TAFA2: variants seen among roughly 807,000 people sequenced by gnomAD.
TAFA2 encodes the protein TAFA chemokine like family member 2.
TAFA2 carries 7 observed loss-of-function variants against 18.8 expected under a neutral mutation model. That is an observed-to-expected ratio of 0.37 (90% CI 0.21 to 0.70). The LOEUF is 0.70. TAFA2 is among the 30% of genes least tolerant of loss of function. The pLI is 0.53. For missense variants in TAFA2, 122 were observed against 158.1 expected (o/e 0.77, Z 1.23); for synonymous variants, 60 against 54.2 (o/e 1.11, Z -0.47).
intron 1 of TAFA2, among the ~76,000 whole-genome samples, chr12:62,127,662 G>A (rs1215389954): frequency 6.6e-6 from 1 of 151,960 alleles, no homozygotes; most frequent in African/African-American, 2.4e-5. Flanking sequence ...AAACACAAGG[G>A]CTTGAGCAAG....
At chr12:61,862,546 A>G (rs1199285783) in intron 2 of TAFA2, among the ~76,000 whole-genome samples, 1 of 152,226 alleles carries the variant, frequency 6.6e-6, no homozygotes, top group African/African-American at 2.4e-5. Flanking sequence ...GGCTCTTAAG[A>G]GCAGGATATT....
chr12:62,126,097 A>C (rs1346016328), intron 1 of TAFA2, among the ~76,000 whole-genome samples: 1 of 152,166 alleles, frequency 6.6e-6, no homozygotes, highest in East Asian at 1.9e-4. Flanking sequence ...TCGCTATAAA[A>C]TAATTTGAAA....
At chr12:61,907,127 G>T (rs972357189) in intron 1 of TAFA2, among the ~76,000 whole-genome samples, 10 of 152,222 alleles carry the variant, frequency 6.6e-5, no homozygotes, top group Non-Finnish European at 1.5e-5. Context: ...ATTCTAGCTG[G>T]CTGAACAGAT....
At chr12:62,026,031 A>T (rs1881301351) in intron 1 of TAFA2, among the ~76,000 whole-genome samples, 1 of 152,152 alleles carries the variant, frequency 6.6e-6, no homozygotes, top group South Asian at 2.1e-4. Flanking sequence ...GAACCCAATC[A>T]ATGAGGATCG....
intron 1 of TAFA2, among the ~76,000 whole-genome samples, chr12:62,099,577 T>C (rs2136846814): frequency 6.6e-6 from 1 of 152,330 alleles, no homozygotes; most frequent in Non-Finnish European, 1.5e-5. Context: ...GGATGTGCAT[T>C]ATAAATTTAA....
chr12:61,905,610 C>A (rs761070758), intron 1 of TAFA2, among the ~76,000 whole-genome samples: 2 of 152,094 alleles, frequency 1.3e-5, no homozygotes, highest in Non-Finnish European at 2.9e-5. Context: ...TCAATATCAC[C>A]AGATAGATCA....
intron 1 of TAFA2, among the ~76,000 whole-genome samples, chr12:61,874,642 T>A (rs1874765002): frequency 6.6e-6 from 1 of 152,170 alleles, no homozygotes; most frequent in African/African-American, 2.4e-5. Context: ...ACCCACAGAT[T>A]GAAATGATAT....
At chr12:62,128,002 A>G (rs1050619271) in intron 1 of TAFA2, among the ~76,000 whole-genome samples, 5 of 152,022 alleles carry the variant, frequency 3.3e-5, no homozygotes, top group African/African-American at 1.2e-4. Flanking sequence ...AAAGAAATCC[A>G]TGGGAGGCAC....
chr12:62,144,106 A>G (rs1014531708), intron 1 of TAFA2, among the ~76,000 whole-genome samples: 1 of 151,030 alleles, frequency 6.6e-6, no homozygotes, highest in Non-Finnish European at 1.5e-5. Flanking sequence ...CATAGAGTTG[A>G]TAGTTTTCCT....
intron 1 of TAFA2, among the ~76,000 whole-genome samples, chr12:62,134,700 G>C (rs1003229825): frequency 6.6e-6 from 1 of 152,060 alleles, no homozygotes; most frequent in Admixed American, 6.6e-5. Flanking sequence ...AAGGCAGGGA[G>C]CACGTCCATC....
rs1323686856 is a variant in TAFA2, at chr12:61,710,259, A to G, written c.*147T>C. On this transcript the variant is annotated 3_prime_UTR_variant, in exon 5 of 5. Transcript: ENST00000416284. The stretch of plus-strand genomic sequence containing the variant: ...CTTTTAAAAAGTCTTGATTTCAAGA[A>G]GAGGCCATGAAATCCCTTGGAAATA... The G allele has an allele frequency of 1.0e-5, 7 of 674,978 alleles. No homozygotes were observed. Among genetic ancestry groups the G allele is most frequent in the Admixed American group, 4.9e-5 (2 of 40,542 alleles). The allele number at this position is 674,978 out of a possible 1,614,324, so 41.8% of individuals were successfully genotyped here.
At chr12:61,824,026 A>T (rs1054713300) in intron 2 of TAFA2, among the ~76,000 whole-genome samples, 5 of 152,114 alleles carry the variant, frequency 3.3e-5, no homozygotes, top group Admixed American at 6.6e-5. Context: ...GTCACTTCAC[A>T]ATTCATGCTA....
At chr12:61,886,722 G>C (rs1373716844) in intron 1 of TAFA2, among the ~76,000 whole-genome samples, 1 of 152,154 alleles carries the variant, frequency 6.6e-6, no homozygotes, top group South Asian at 2.1e-4. Context: ...ATTGGTTTTT[G>C]ACTTTTGTTG....
At chr12:61,771,296 T>G (rs2120843187) in intron 2 of TAFA2, among the ~76,000 whole-genome samples, 1 of 151,914 alleles carries the variant, frequency 6.6e-6, no homozygotes, top group Middle Eastern at 3.4e-3. Context: ...ACTTCAATAC[T>G]CCACTGACAG....
chr12:62,176,546 A>G (rs546543738), intron 1 of TAFA2, among the ~76,000 whole-genome samples: 1 of 152,328 alleles, frequency 6.6e-6, no homozygotes, highest in East Asian at 1.9e-4. Flanking sequence ...GAAGAGTTAG[A>G]GCTTTTTTTT....
At chr12:62,118,212 T>A (rs1352450764) in intron 1 of TAFA2, among the ~76,000 whole-genome samples, 1 of 152,168 alleles carries the variant, frequency 6.6e-6, no homozygotes, top group Non-Finnish European at 1.5e-5. Flanking sequence ...ATATTTTAGT[T>A]TTTAACTCTA....
chr12:61,853,626 A>AG (rs1347844174), intron 2 of TAFA2, among the ~76,000 whole-genome samples: 1 of 152,162 alleles, frequency 6.6e-6, no homozygotes, highest in African/African-American at 2.4e-5. Context: ...TATAAGTGGG[A>AG]GCATTTCTGA....
At chr12:62,207,330 A>G (rs1407409126) in intron 1 of TAFA2, 2 of 152,210 alleles carry the variant, frequency 1.3e-5, no homozygotes, top group Non-Finnish European at 2.9e-5. Flanking sequence ...ATTTATTTTA[A>G]TATCCAATAA....
intron 1 of TAFA2, among the ~76,000 whole-genome samples, chr12:62,053,126 T>C (rs1228464443): frequency 6.6e-6 from 1 of 152,056 alleles, no homozygotes; most frequent in African/African-American, 2.4e-5. Context: ...ACTTCCAAAA[T>C]GAGAGTTAAT....
Sources: gnomAD v4.1 joint callset for allele counts (sites outside exome capture counted in the v4.1 genomes callset) on GRCh38, gnomAD v4.1.1 for gene constraint, MANE v1.5 for transcripts, NCBI Gene and HGNC (gene_info 2026-07-23, HGNC 2026-07-21) for gene names.